ASB3: variants seen among roughly 807,000 people sequenced by gnomAD.
ASB3 encodes ankyrin repeat and SOCS box containing 3, also known as ankyrin repeat and SOCS box protein 3.
Under a neutral mutation model 54.5 loss-of-function variants are expected in ASB3, and 41 were observed. That is an observed-to-expected ratio of 0.75 (90% CI 0.59 to 0.98). The LOEUF is 0.98. Among genes scored for constraint, ASB3 ranks in the 50% least tolerant of loss-of-function variants. The probability of loss-of-function intolerance (pLI) is 0.00; values close to 1 mark genes in which losing one functional copy is unlikely to be tolerated. For synonymous variants in ASB3, 266 were observed against 221.2 expected (o/e 1.20, Z -1.80); for missense variants, 733 against 620.0 (o/e 1.18, Z -1.94).
At chr2:53,731,578 C>A (rs760665823) in intron 3 of ASB3, among the ~76,000 whole-genome samples, 1 of 152,128 alleles carries the variant, frequency 6.6e-6, no homozygotes, top group Non-Finnish European at 1.5e-5. Flanking sequence ...TTTGTATAAA[C>A]GATCTAAAGT....
chr2:53,679,681 T>C (rs768825373), intron 9 of ASB3, among the ~76,000 whole-genome samples: 3 of 152,218 alleles, frequency 2.0e-5, no homozygotes, highest in Non-Finnish European at 4.4e-5. Flanking sequence ...CCCTGAATCC[T>C]TCCCTTTTAG....
At position 53,715,564 on chromosome 2, in the gene ASB3, A is replaced by G. The variant is rs146836038; in HGVS notation, c.783-983T>C. 1.8e-3 allele frequency among the ~76,000 whole-genome samples: 272 copies of G among 152,322 alleles called. 1 individual carries two copies. Among genetic ancestry groups the G allele is most frequent in the African/African-American group, 6.1e-3 (254 of 41,578 alleles). On this transcript the variant is annotated intron_variant, in intron 6 of 9. Transcript: ENST00000263634. ...GGTACCATTTAAAGTTCAGAGTACA[A>G]TATCTAACACTTATGTTTAAATAAA...
intron 5 of ASB3, among the ~76,000 whole-genome samples, chr2:53,718,388 C>A (rs1670515993): frequency 6.6e-6 from 1 of 152,136 alleles, no homozygotes; most frequent in African/African-American, 2.4e-5. Flanking sequence ...GAGGACACTA[C>A]AACCAAGAAT....
chr2:53,768,747 T>A (rs1225672333), intron 1 of ASB3, among the ~76,000 whole-genome samples: 1 of 152,236 alleles, frequency 6.6e-6, no homozygotes, highest in Non-Finnish European at 1.5e-5. Context: ...GATTCACTTT[T>A]CAGTCAGTCC....
chr2:53,766,256 AAC>A (rs1390888820), intron 1 of ASB3, among the ~76,000 whole-genome samples: 1 of 152,202 alleles, frequency 6.6e-6, no homozygotes, highest in Non-Finnish European at 1.5e-5. Flanking sequence ...GAAAGTTCTT[AAC>A]AGAGTTCTTG....
intron 8 of ASB3, among the ~76,000 whole-genome samples, chr2:53,698,626 C>G (rs907990264): frequency 6.6e-6 from 1 of 152,214 alleles, no homozygotes; most frequent in African/African-American, 2.4e-5. Context: ...CACAGTTCAT[C>G]CCAGTTCTTC....
intron 9 of ASB3, among the ~76,000 whole-genome samples, chr2:53,691,477 G>A (rs977756190): frequency 8.6e-5 from 13 of 152,028 alleles, no homozygotes; most frequent in Admixed American, 1.3e-4. Context: ...ATAAGGCAGC[G>A]GTTGTTAACA....
chr2:53,710,205 G>C (rs980271955), intron 7 of ASB3, among the ~76,000 whole-genome samples: 1 of 152,238 alleles, frequency 6.6e-6, no homozygotes, highest in African/African-American at 2.4e-5. Context: ...GCACGCTCCA[G>C]CTGCCAGACA....
chr2:53,670,574 T>C lies in ASB3; in HGVS notation c.1486A>G (p.Asn496Asp). The change falls in exon 10 of 10, where the codon AAT (asparagine) becomes GAT (aspartate). Residue 496 changes from asparagine to aspartate, a missense_variant. Asn to Asp is a conservative substitution (Grantham distance 23). Coordinates refer to ENST00000263634, the MANE Select transcript of ASB3 (RefSeq NM_016115.5). ...SQLPLPRSLH[N>D]YLLYEDVLRM... ...AGAACGTCTTCATAGAGCAAATAAT[T>C]ATGTAGGCTTCTGGGAAGTGGCAGC... 1 of 1,614,030 alleles carries C rather than the reference T, an allele frequency of 6.2e-7. No individual in the cohort carries two copies. The highest frequency in any genetic ancestry group is 8.5e-7 in the Non-Finnish European group (1 of 1,179,998).
rs532854647 is a variant in ASB3 at position 53,769,398 on chromosome 2, T to A, written c.-13-3813A>T. On this transcript the variant is annotated intron_variant, in intron 1 of 9. Transcript: ENST00000263634. ...GGCTCCAATTATAATGACCAAGTAT[T>A]AAATATTTATGTATGTGGCTATAAC... Among the ~76,000 whole-genome samples the A allele has an allele frequency of 8.5e-5, 13 of 152,326 alleles. No homozygotes were observed. The South Asian group carries it at 2.7e-3, about 32-fold the overall frequency.
In ASB3 at chr2:53,716,599, G is replaced by C. The variant is rs764649542; in HGVS notation, c.749C>G (p.Pro250Arg). ...LYCNEDSWQL[P>R]IHAAAQMGHT... is the part of the protein sequence containing the mutation. Reference sequence around the variant, plus strand: ...GCCCATTTGTGCAGCTGCATGAATAGGTAACTGCCAACTGTCCTCATTACA... The same window carrying C: ...GCCCATTTGTGCAGCTGCATGAATACGTAACTGCCAACTGTCCTCATTACA... Residue 250 changes from proline to arginine, a missense_variant, in exon 6 of 10, where the codon CCT (proline) becomes CGT (arginine). By Grantham distance (103) the Pro-to-Arg change is moderately radical. Coordinates refer to ENST00000263634, the MANE Select transcript of ASB3 (RefSeq NM_016115.5). 1.2e-5 allele frequency: 20 copies of C among 1,613,808 alleles called. No homozygotes were observed. Among genetic ancestry groups the C allele is most frequent in the Non-Finnish European group, 1.7e-5 (20 of 1,179,810 alleles).
At chr2:53,718,952 C>T (rs1452862451) in intron 5 of ASB3, among the ~76,000 whole-genome samples, 3 of 152,022 alleles carry the variant, frequency 2.0e-5, no homozygotes, top group Admixed American at 6.6e-5. Context: ...GACTGAGTCT[C>T]GCCGTGTCGC....
chr2:53,769,898 A>T (rs1673775336), intron 1 of ASB3, among the ~76,000 whole-genome samples: 1 of 152,206 alleles, frequency 6.6e-6, no homozygotes, highest in South Asian at 2.1e-4. Context: ...TCAGAATTCT[A>T]ACTGCACTTA....
intron 1 of ASB3, among the ~76,000 whole-genome samples, chr2:53,771,052 T>A (rs1673868043): frequency 6.6e-6 from 1 of 152,172 alleles, no homozygotes; most frequent in Non-Finnish European, 1.5e-5. Context: ...AGGAAAGTTG[T>A]TACAAATGCA....
intron 9 of ASB3, among the ~76,000 whole-genome samples, chr2:53,690,843 T>C (rs1011423810): frequency 2.0e-5 from 3 of 152,194 alleles, no homozygotes; most frequent in East Asian, 1.9e-4. Context: ...CAAGAGAGTT[T>C]CCTGGGGTCC....
intron 1 of ASB3, among the ~76,000 whole-genome samples, chr2:53,766,709 A>C (rs1363018561): frequency 6.6e-6 from 1 of 152,182 alleles, no homozygotes; most frequent in Non-Finnish European, 1.5e-5. Context: ...TGTGTATTCA[A>C]AATTTTTCAA....
intron 3 of ASB3, among the ~76,000 whole-genome samples, chr2:53,733,989 G>A (rs1671472901): frequency 6.6e-6 from 1 of 152,244 alleles, no homozygotes; most frequent in Non-Finnish European, 1.5e-5. Flanking sequence ...ATCTGCAGCA[G>A]GAGCATGTCC....
chr2:53,760,964 G>A (rs1673111042), intron 2 of ASB3, among the ~76,000 whole-genome samples: 2 of 152,154 alleles, frequency 1.3e-5, no homozygotes, highest in Admixed American at 6.5e-5. Context: ...CGATGTTAAT[G>A]ACATTGAAGG....
intron 1 of ASB3, among the ~76,000 whole-genome samples, chr2:53,778,601 G>A (rs1367733409): frequency 6.6e-6 from 1 of 152,010 alleles, no homozygotes; most frequent in Non-Finnish European, 1.5e-5. Context: ...TTAGTTCAAC[G>A]GTTTTAGATT....
Sources: gnomAD v4.1 joint callset for allele counts (sites outside exome capture counted in the v4.1 genomes callset) on GRCh38, gnomAD v4.1.1 for gene constraint, MANE v1.5 for transcripts, NCBI Gene and HGNC (gene_info 2026-07-23, HGNC 2026-07-21) for gene names.